The following TBC1D9 variants were observed in gnomAD, a reference collection of about 807,000 sequenced individuals.
TBC1D9 encodes TBC1 domain family member 9, also known as TBC1 domain family member 9A.
In TBC1D9, 63 loss-of-function variants were observed where a neutral mutation model predicts 132.0. The ratio of observed to expected loss-of-function variants is 0.48; its 90% CI spans 0.39 to 0.59. The LOEUF is 0.59. Among genes scored for constraint, TBC1D9 ranks in the 20% least tolerant of loss-of-function variants. The pLI, the probability that TBC1D9 is intolerant of heterozygous loss-of-function variation, is 0.00. For missense variants in TBC1D9, 1,261 were observed against 1,592.7 expected (o/e 0.79, Z 3.54); for synonymous variants, 610 against 609.9 (o/e 1.00, Z 0.00).
intron 1 of TBC1D9, among the ~76,000 whole-genome samples, chr4:140,739,458 C>T (rs546337198): frequency 6.6e-6 from 1 of 152,142 alleles, no homozygotes; most frequent in South Asian, 2.1e-4. Flanking sequence ...TCTGCCTATG[C>T]TACCAGGGTT....
In TBC1D9 at chr4:140,756,209, C is replaced by T. The variant is rs531648692; in HGVS notation, c.-164G>A. 9.7e-6 allele frequency: 4 copies of T among 411,048 alleles called. No individual in the cohort carries two copies. In the South Asian group the frequency reaches 3.9e-4, roughly 40 times the overall value. The allele number at this position is 411,048 out of a possible 1,614,324, so 25.5% of individuals were successfully genotyped here. The stretch of plus-strand genomic sequence containing the variant: ...ACTTCAGGGGGTGGCCCGCGGCGTC[C>T]GGGCCACAACAAAGCCCCAGCAGGC... On this transcript the variant is annotated 5_prime_UTR_variant, in exon 1 of 21. Transcript: ENST00000442267. This position sits in a 1 kb window ranked among gnomAD's most constrained non-coding sequence, Gnocchi z 5.6.
At chr4:140,642,091 G>A (rs564614173) in intron 13 of TBC1D9, 3 of 718,176 alleles carry the variant, frequency 4.2e-6, no homozygotes, top group Admixed American at 2.0e-5. Context: ...GGAGGAGGGG[G>A]TGTGTGCCAG....
rs767711354 is a variant in TBC1D9, at chr4:140,624,124, A to G, written c.3070T>C (p.Leu1024=). The part of the protein sequence containing the change: ...KSKNAKDLPK[L]NQGQFIELCK... Reference sequence around the variant, plus strand: ...GAACTTTAAGCACTTACCTGATTTAATTTGGGTAAATCCTTTGCATTCTTT... The same window carrying G: ...GAACTTTAAGCACTTACCTGATTTAGTTTGGGTAAATCCTTTGCATTCTTT... The change falls in exon 20 of 21, where the codon TTA becomes CTA. Residue 1024 remains leucine (L), a synonymous_variant. Transcript: ENST00000442267. 1.7e-5 allele frequency: 27 copies of G among 1,605,268 alleles called. No individual in the cohort carries two copies. In the East Asian group the frequency reaches 6.0e-4, roughly 36 times the overall value.
At position 140,622,376 on chromosome 4, in the gene TBC1D9, C is replaced by G; in HGVS notation, c.3620G>C (p.Arg1207Pro). ...AALPRSTSLD[R>P]DWAITFEQFL... ...CTGCTCGAAGGTGATGGCCCAGTCC[C>G]GGTCCAGGCTGGTGCTCCGGGGCAG... is the stretch of plus-strand genomic sequence containing the variant. Residue 1207 changes from arginine (R) to proline (P), a missense_variant, in exon 21 of 21, where the codon CGG (arginine) becomes CCG (proline). By Grantham distance (103) the Arg-to-Pro change is moderately radical. This residue lies in a region of TBC1D9 where 618 missense variants were observed against 724.4 expected (regional missense o/e 0.85). Transcript: ENST00000442267. 7 of 1,613,182 alleles carry G rather than the reference C, an allele frequency of 4.3e-6. No individual in the cohort carries two copies. Among genetic ancestry groups the G allele is most frequent in the Non-Finnish European group, 5.9e-6 (7 of 1,179,264 alleles).
intron 10 of TBC1D9, among the ~76,000 whole-genome samples, chr4:140,660,415 C>T (rs925306651): frequency 2.0e-5 from 3 of 152,152 alleles, no homozygotes; most frequent in African/African-American, 7.2e-5. Flanking sequence ...TTTTGATCTC[C>T]CAGAAACCGG....
chr4:140,689,455 CCCCTTCCCTT>C (rs72259208), intron 2 of TBC1D9, among the ~76,000 whole-genome samples: 17 of 79,642 alleles, frequency 2.1e-4, no homozygotes, highest in African/African-American at 6.2e-4. Context: ...CTTCCCTTCC[CCCCTTCCCTT>C]CCCTTCCCTT....
intron 10 of TBC1D9, among the ~76,000 whole-genome samples, chr4:140,661,665 T>C (rs1369093991): frequency 6.6e-6 from 1 of 152,174 alleles, no homozygotes; most frequent in Non-Finnish European, 1.5e-5. Context: ...GGGGATTTTC[T>C]ACCAGCATCT....
chr4:140,722,866 G>A lies in TBC1D9; in HGVS notation c.131-21252C>T, dbSNP rs556918480. Among the ~76,000 whole-genome samples, 68 of 152,124 alleles carry A rather than the reference G, an allele frequency of 4.5e-4. 2 individuals are homozygous for A. The highest frequency in any genetic ancestry group is 1.5e-3 in the African/African-American group (63 of 41,508). The stretch of plus-strand genomic sequence containing the variant: ...TCCTTCTCAGAACATGGATTTCACC[G>A]GGAGTTCTCCTCCCCATTGAGTTAT... On this transcript the variant is annotated intron_variant, in intron 1 of 20. Transcript: ENST00000442267.
Position 140,701,523 on chromosome 4 carries a change from G to A in TBC1D9, c.222C>T (p.Val74=). 1 of 1,613,768 alleles carries A rather than the reference G, an allele frequency of 6.2e-7. No homozygotes were observed. The highest frequency in any genetic ancestry group is 1.1e-5 in the South Asian group (1 of 91,068). The change falls in exon 2 of 21, where the codon GTC becomes GTT. Residue 74 remains valine, a synonymous_variant. Transcript: ENST00000442267. ...GCTTACCACAGGCGATGGTCCAGTA[G>A]ACCAGGGAGTCTGGAGTCTGGTACA... ...RILYQTPDSL[V]YWTIACGGSR...
chr4:140,730,498 A>G (rs1181410313), intron 1 of TBC1D9, among the ~76,000 whole-genome samples: 3 of 152,178 alleles, frequency 2.0e-5, no homozygotes, highest in Non-Finnish European at 2.9e-5. Context: ...AGGCCGAGGC[A>G]GGCAGATCAC....
chr4:140,625,497 G>A (rs945605947), intron 18 of TBC1D9, among the ~76,000 whole-genome samples: 3 of 152,142 alleles, frequency 2.0e-5, no homozygotes, highest in Non-Finnish European at 4.4e-5. Flanking sequence ...ACCACCCAAA[G>A]CTGGCTGGTC....
intron 1 of TBC1D9, among the ~76,000 whole-genome samples, chr4:140,720,137 C>T (rs965613613): frequency 6.6e-6 from 1 of 152,182 alleles, no homozygotes; most frequent in Non-Finnish European, 1.5e-5. Flanking sequence ...CTGAAGGCAG[C>T]CCCCAAGGTG....
At chr4:140,752,170 C>T (rs78016240) in intron 1 of TBC1D9, among the ~76,000 whole-genome samples, 15 of 152,172 alleles carry the variant, frequency 9.9e-5, no homozygotes, top group African/African-American at 3.6e-4. Context: ...ATCCAATGGG[C>T]CACCAACAAT....
At chr4:140,634,941 T>A (rs1560867432) in intron 15 of TBC1D9, among the ~76,000 whole-genome samples, 1 of 152,136 alleles carries the variant, frequency 6.6e-6, no homozygotes, top group Non-Finnish European at 1.5e-5. Context: ...AGCCTCTTTA[T>A]TCATGAGGTC....
rs777389229 is a variant in TBC1D9, at chr4:140,679,745, C to T, written c.459G>A (p.Gly153=). The T allele has an allele frequency of 2.5e-6, 4 of 1,613,792 alleles. No homozygotes were observed. The highest frequency in any genetic ancestry group is 1.7e-5 in the Admixed American group (1 of 59,982). The change falls in exon 4 of 21, where the codon GGG becomes GGA. Residue 153 remains glycine (G), a synonymous_variant. Transcript: ENST00000442267. ...EAIVKFHRLF[G]MPEEEKLVNY... ...TGACGAGTTTCTCTTCCTCTGGCAT[C>T]CCAAACAGCCTATGAAATTTCACAA...
Position 140,706,475 on chromosome 4 carries a change from T to A in TBC1D9, c.131-4861A>T, listed in dbSNP as rs942124236. 2.0e-5 allele frequency among the ~76,000 whole-genome samples: 3 copies of A among 152,166 alleles called. No individual in the cohort carries two copies. The highest frequency in any genetic ancestry group is 4.4e-5 in the Non-Finnish European group (3 of 68,032). On this transcript the variant is annotated intron_variant, in intron 1 of 20. Coordinates refer to ENST00000442267, the MANE Select transcript of TBC1D9 (RefSeq NM_015130.3). The surrounding 1 kb of genome is among the most constrained non-coding windows in gnomAD (Gnocchi z 4.0). Reference sequence around the variant, plus strand: ...TTGTGTAATGAATCATTCAAAACAATAGAAAAGTACAGGAAATTACAAAAT... The same window carrying A: ...TTGTGTAATGAATCATTCAAAACAAAAGAAAAGTACAGGAAATTACAAAAT...
rs559081386 is a variant in TBC1D9 at position 140,726,302 on chromosome 4, T to A, written c.131-24688A>T. Among the ~76,000 whole-genome samples the A allele has an allele frequency of 6.8e-4, 103 of 151,876 alleles. 2 individuals are homozygous for A. The highest frequency in any genetic ancestry group is 1.6e-3 in the African/African-American group (68 of 41,422). ...AGACTCCGCCTCAGAAAAAAAAAAA[T>A]TTTAAAAATTTTAAAAAGTATATTT... On this transcript the variant is annotated intron_variant, in intron 1 of 20. Transcript: ENST00000442267.
At chr4:140,692,937 T>C (rs539039344) in intron 2 of TBC1D9, among the ~76,000 whole-genome samples, 2 of 151,940 alleles carry the variant, frequency 1.3e-5, no homozygotes, top group South Asian at 4.2e-4. Context: ...GGGGGTCACC[T>C]AAGAATGGGG....
chr4:140,750,875 C>T (rs1738914034), intron 1 of TBC1D9, among the ~76,000 whole-genome samples: 2 of 151,554 alleles, frequency 1.3e-5, no homozygotes, highest in African/African-American at 4.9e-5. Flanking sequence ...TTTTTTTTTA[C>T]TTCATAATGA....
Sources: allele counts gnomAD v4.1 joint callset (sites outside exome capture counted in the v4.1 genomes callset), GRCh38; gene constraint gnomAD v4.1.1; regional missense constraint gnomAD v4.1.1; non-coding constraint Gnocchi (gnomAD v3.1); transcripts MANE v1.5; gene names NCBI Gene and HGNC (gene_info 2026-07-23, HGNC 2026-07-21).